Variants in PRKCA observed in about 807,000 individuals in gnomAD.
The protein encoded by PRKCA is protein kinase C alpha type.
Under a neutral mutation model 87.0 loss-of-function variants are expected in PRKCA, and 27 were observed. That is an observed-to-expected ratio of 0.31 (90% CI 0.23 to 0.43). PRKCA has a LOEUF of 0.43. Among genes scored for constraint, PRKCA ranks in the 20% least tolerant of loss-of-function variants. PRKCA has a pLI of 1.00. For missense variants in PRKCA, 518 were observed against 852.3 expected, an observed-to-expected ratio of 0.61 and a Z score of 4.88; for synonymous variants, 329 against 311.1, an observed-to-expected ratio of 1.06 and a Z score of -0.61.
intron 5 of PRKCA, among the ~76,000 whole-genome samples, chr17:66,646,504 A>C (rs1971460687): frequency 1.3e-5 from 2 of 152,164 alleles, no homozygotes; most frequent in South Asian, 4.1e-4. Context: ...CCTTGTTGAC[A>C]AGGGCATTCA....
chr17:66,524,814 C>G (rs1317147042), intron 3 of PRKCA, among the ~76,000 whole-genome samples: 1 of 152,142 alleles, frequency 6.6e-6, no homozygotes, highest in Non-Finnish European at 1.5e-5. Context: ...TTCCTCTATC[C>G]AAGATCACTT....
intron 2 of PRKCA, among the ~76,000 whole-genome samples, chr17:66,318,513 T>C (rs1181942216): frequency 6.6e-6 from 1 of 152,202 alleles, no homozygotes; most frequent in Non-Finnish European, 1.5e-5. Flanking sequence ...TCATATTTTA[T>C]AAAGCTGAGT....
At chr17:66,611,453 T>A (rs1970361872) in intron 3 of PRKCA, among the ~76,000 whole-genome samples, 1 of 152,226 alleles carries the variant, frequency 6.6e-6, no homozygotes, top group Non-Finnish European at 1.5e-5. Flanking sequence ...GTAAATGGCC[T>A]TTTGTAACTG....
At chr17:66,529,963 G>A (rs188634405) in intron 3 of PRKCA, among the ~76,000 whole-genome samples, 68 of 152,186 alleles carry the variant, frequency 4.5e-4, no homozygotes, top group African/African-American at 1.2e-3. Context: ...CCAGATCTGC[G>A]ACATGCAATA....
intron 2 of PRKCA, among the ~76,000 whole-genome samples, chr17:66,420,430 C>T (rs1001071017): frequency 9.9e-5 from 15 of 152,122 alleles, no homozygotes; most frequent in African/African-American, 3.1e-4. Flanking sequence ...AACTTCATGA[C>T]GGTGTAAAAG....
chr17:66,527,723 C>G (rs1967394607), intron 3 of PRKCA, among the ~76,000 whole-genome samples: 1 of 152,178 alleles, frequency 6.6e-6, no homozygotes, highest in African/African-American at 2.4e-5. Context: ...ACTAAAATCA[C>G]TTTCTTGTAA....
At chr17:66,740,814 T>C (rs1433307484) in intron 11 of PRKCA, among the ~76,000 whole-genome samples, 1 of 152,236 alleles carries the variant, frequency 6.6e-6, no homozygotes, top group African/African-American at 2.4e-5. Context: ...CAGAAAAGTT[T>C]AGAAAAGCAT....
At chr17:66,506,321 G>A (rs547102460) in intron 3 of PRKCA, among the ~76,000 whole-genome samples, 1 of 151,772 alleles carries the variant, frequency 6.6e-6, no homozygotes, top group East Asian at 1.9e-4. Flanking sequence ...ATTTACTTGG[G>A]ATCTGGCCTA....
chr17:66,420,792 A>G (rs979229763), intron 2 of PRKCA, among the ~76,000 whole-genome samples: 1 of 152,176 alleles, frequency 6.6e-6, no homozygotes, highest in African/African-American at 2.4e-5. Flanking sequence ...TCATTTTGAG[A>G]CCAGTTTTGG....
At chr17:66,373,493 G>A (rs938879747) in intron 2 of PRKCA, among the ~76,000 whole-genome samples, 7 of 152,200 alleles carry the variant, frequency 4.6e-5, no homozygotes, top group Non-Finnish European at 8.8e-5. Context: ...TAAAGGGCCT[G>A]TATGAATACC....
At chr17:66,779,750 A>G (rs563023335) in intron 14 of PRKCA, among the ~76,000 whole-genome samples, 43 of 152,292 alleles carry the variant, frequency 2.8e-4, no homozygotes, top group South Asian at 2.3e-3. Context: ...GGAGCGGGTG[A>G]GAGGGGATAG....
At chr17:66,791,468 C>T (rs925649279) in intron 16 of PRKCA, among the ~76,000 whole-genome samples, 1 of 152,212 alleles carries the variant, frequency 6.6e-6, no homozygotes, top group Non-Finnish European at 1.5e-5. Flanking sequence ...AAGCACGTGG[C>T]TGCAGGGAGA....
intron 3 of PRKCA, among the ~76,000 whole-genome samples, chr17:66,607,757 A>G (rs1170158141): frequency 1.3e-5 from 2 of 152,212 alleles, no homozygotes; most frequent in South Asian, 4.2e-4. Flanking sequence ...ATGAAGTCAG[A>G]TTCCAACGTG....
At chr17:66,334,125 C>T (rs2143302458) in intron 2 of PRKCA, among the ~76,000 whole-genome samples, 1 of 152,282 alleles carries the variant, frequency 6.6e-6, no homozygotes, top group East Asian at 1.9e-4. Flanking sequence ...GTGGCTCAGC[C>T]TGTAGTCCCA....
At chr17:66,663,872 GTTT>G (rs34996655) in intron 5 of PRKCA, among the ~76,000 whole-genome samples, 1 of 143,694 alleles carries the variant, frequency 7.0e-6, no homozygotes, top group African/African-American at 2.6e-5. Flanking sequence ...TGATTTTGGG[GTTT>G]TTTTTTTTTT....
At chr17:66,697,587 C>G (rs2144076670) in intron 8 of PRKCA, among the ~76,000 whole-genome samples, 1 of 152,300 alleles carries the variant, frequency 6.6e-6, no homozygotes, top group East Asian at 1.9e-4. Flanking sequence ...CCAGCTCCCC[C>G]AGCCATCCAC....
At chr17:66,741,539 T>C in intron 11 of PRKCA, 120 bp from the exon 12 acceptor site, 1 of 1,032,566 alleles carries the variant, frequency 9.7e-7, no homozygotes, top group Non-Finnish European at 1.5e-6. Flanking sequence ...ACGATGCTGG[T>C]CTCTGAGAGC....
intron 2 of PRKCA, among the ~76,000 whole-genome samples, chr17:66,396,002 A>C (rs1910643009): frequency 6.6e-6 from 1 of 151,908 alleles, no homozygotes; most frequent in African/African-American, 2.4e-5. Flanking sequence ...TAGGGAAAAT[A>C]ATTGGCACAG....
At chr17:66,428,938 C>T (rs934000128) in intron 2 of PRKCA, among the ~76,000 whole-genome samples, 1 of 152,100 alleles carries the variant, frequency 6.6e-6, no homozygotes, top group Admixed American at 6.5e-5. Flanking sequence ...TACCTGAAGA[C>T]GTTTAAGAGC....
Sources: gnomAD v4.1 joint callset for allele counts (sites outside exome capture counted in the v4.1 genomes callset) on GRCh38, gnomAD v4.1.1 for gene constraint, MANE v1.5 for transcripts, NCBI Gene and HGNC (gene_info 2026-07-23, HGNC 2026-07-21) for gene names.